The following SOX5 variants were observed in gnomAD, a reference collection of about 807,000 sequenced individuals.
SOX5 encodes the protein SRY-box transcription factor 5, also known as transcription factor SOX-5.
SOX5 carries 9 observed loss-of-function variants against 92.0 expected under a neutral mutation model. That is an observed-to-expected ratio of 0.10 (90% CI 0.06 to 0.17). The LOEUF is 0.17. Among genes scored for constraint, SOX5 ranks in the 10% least tolerant of loss-of-function variants. The pLI is 1.00. For synonymous variants in SOX5, 344 were observed against 336.3 expected, an observed-to-expected ratio of 1.02 and a Z score of -0.25; for missense variants, 642 against 944.5, an observed-to-expected ratio of 0.68 and a Z score of 4.20.
At chr12:23,760,603 C>T (rs1416910398) in intron 3 of SOX5, among the ~76,000 whole-genome samples, 1 of 33,820 alleles carries the variant, frequency 3.0e-5, no homozygotes, top group Admixed American at 4.2e-4. Flanking sequence ...GCAATCCCCA[C>T]CAGTGAATGG....
intron 3 of SOX5, among the ~76,000 whole-genome samples, chr12:23,840,861 T>C (rs888981433): frequency 1.4e-4 from 22 of 152,176 alleles, no homozygotes; most frequent in African/African-American, 4.8e-4. Context: ...CAGACCTAAA[T>C]TGCAAAATGA....
intron 2 of SOX5, among the ~76,000 whole-genome samples, chr12:23,887,908 AGTGTGTATATGTGTGTGT>A (rs1337966368): frequency 4.0e-4 from 42 of 105,952 alleles, no homozygotes; most frequent in African/African-American, 1.3e-3. Flanking sequence ...TAATTGGTCC[AGTGTGTATATGTGTGTGT>A]GTGTGTGTGT....
chr12:23,671,875 A>G (rs2084839511), intron 6 of SOX5, among the ~76,000 whole-genome samples: 1 of 152,170 alleles, frequency 6.6e-6, no homozygotes. Flanking sequence ...ATATTCTTTT[A>G]GAACAAAAAT....
chr12:23,902,307 C>G (rs1447164887), intron 1 of SOX5, among the ~76,000 whole-genome samples: 1 of 151,994 alleles, frequency 6.6e-6, no homozygotes, highest in African/African-American at 2.4e-5. Context: ...TTTTAAGTTT[C>G]TTTCTTTAAA....
intron 4 of SOX5, among the ~76,000 whole-genome samples, chr12:24,186,312 C>T (rs1314662616): frequency 1.3e-5 from 2 of 152,044 alleles, no homozygotes; most frequent in Non-Finnish European, 2.9e-5. Context: ...TAGAGAAGAA[C>T]CTACACGAAT....
chr12:23,673,376 C>T (rs1433047091), intron 6 of SOX5, among the ~76,000 whole-genome samples: 5 of 151,956 alleles, frequency 3.3e-5, no homozygotes, highest in African/African-American at 4.8e-5. Context: ...AGTTCTTGAC[C>T]ACAATACAGC....
intron 6 of SOX5, among the ~76,000 whole-genome samples, chr12:23,680,839 A>G (rs1205903041): frequency 6.6e-6 from 1 of 152,160 alleles, no homozygotes; most frequent in African/African-American, 2.4e-5. Context: ...ATGGAAAAAA[A>G]TAAACTGACA....
intron 4 of SOX5, among the ~76,000 whole-genome samples, chr12:24,106,791 A>AAATAATAAT (rs56341402): frequency 0.023 from 3,191 of 137,418 alleles, 44 homozygotes; most frequent in Middle Eastern, 0.036. Flanking sequence ...GACTCGTCTC[A>AAATAATAAT]AATAATAATA....
At chr12:23,800,134 C>T (rs2095634759) in intron 3 of SOX5, among the ~76,000 whole-genome samples, 1 of 151,750 alleles carries the variant, frequency 6.6e-6, no homozygotes, top group African/African-American at 2.4e-5. Flanking sequence ...CAAATTCTAC[C>T]AGCTATGAAA....
intron 1 of SOX5, among the ~76,000 whole-genome samples, chr12:23,928,320 A>G (rs948586631): frequency 1.1e-4 from 16 of 152,008 alleles, no homozygotes; most frequent in Admixed American, 2.6e-4. Context: ...TTTCCTCTCT[A>G]TCCTTAATGT....
intron 4 of SOX5, among the ~76,000 whole-genome samples, chr12:24,170,394 G>C (rs1245233902): frequency 1.3e-5 from 2 of 152,196 alleles, no homozygotes; most frequent in African/African-American, 4.8e-5. Flanking sequence ...GAGACCCAGA[G>C]TCCGGTAGGA....
intron 8 of SOX5, among the ~76,000 whole-genome samples, chr12:23,612,975 T>C (rs1257491232): frequency 6.6e-6 from 1 of 152,166 alleles, no homozygotes; most frequent in East Asian, 1.9e-4. Context: ...TATGAATAAA[T>C]TTGCTTTGCC....
At chr12:24,026,981 C>T (rs1954962837) in intron 4 of SOX5, among the ~76,000 whole-genome samples, 1 of 152,036 alleles carries the variant, frequency 6.6e-6, no homozygotes. Context: ...GTCCCTTTGC[C>T]TAACATGGAT....
upstream of SOX5, chr12:23,949,853 G>A: frequency 2.2e-6 from 1 of 460,944 alleles, no homozygotes; most frequent in Non-Finnish European, 3.8e-6. Context: ...TCTCTTAAAG[G>A]GGTAGTGCAC....
intron 13 of SOX5, among the ~76,000 whole-genome samples, chr12:23,542,779 C>A (rs1011064631): frequency 6.6e-6 from 1 of 152,060 alleles, no homozygotes; most frequent in Non-Finnish European, 1.5e-5. Flanking sequence ...AGATGAATTC[C>A]GCAAATAAAA....
intron 1 of SOX5, among the ~76,000 whole-genome samples, chr12:24,522,064 C>T (rs1392337870): frequency 6.7e-6 from 1 of 150,298 alleles, no homozygotes; most frequent in Non-Finnish European, 1.5e-5. Flanking sequence ...AGAGAGAAGA[C>T]CCAAAATCAG....
At chr12:23,572,662 T>C (rs1948554128) in intron 10 of SOX5, among the ~76,000 whole-genome samples, 1 of 152,220 alleles carries the variant, frequency 6.6e-6, no homozygotes, top group Non-Finnish European at 1.5e-5. Flanking sequence ...GTTGCTCATG[T>C]ACTAACACTA....
intron 4 of SOX5, among the ~76,000 whole-genome samples, chr12:24,172,076 T>TGC (rs35994767): frequency 0.035 from 4,907 of 141,582 alleles, 88 homozygotes; most frequent in Middle Eastern, 0.072. Flanking sequence ...GAACTGTGTG[T>TGC]GCGTGTGTGT....
intron 3 of SOX5, among the ~76,000 whole-genome samples, chr12:24,225,956 T>C (rs1961850309): frequency 6.6e-6 from 1 of 152,196 alleles, no homozygotes; most frequent in Non-Finnish European, 1.5e-5. Flanking sequence ...AGTTTAAGTA[T>C]TAAATATAGT....
Sources: allele counts gnomAD v4.1 joint callset (sites outside exome capture counted in the v4.1 genomes callset), GRCh38; gene constraint gnomAD v4.1.1; transcripts MANE v1.5; gene names NCBI Gene and HGNC (gene_info 2026-07-23, HGNC 2026-07-21).